BPIFA1: variants seen among roughly 807,000 people sequenced by gnomAD.
BPIFA1 encodes the protein BPI fold-containing family A member 1.
A neutral mutation model predicts 25.1 loss-of-function variants in BPIFA1; 24 were observed. The ratio of observed to expected loss-of-function variants is 0.96; its 90% confidence interval spans 0.69 to 1.35. BPIFA1 has a LOEUF of 1.35. Ranked by LOEUF, BPIFA1 falls within the 40% of genes most tolerant of loss-of-function variation. The pLI, the probability that BPIFA1 is intolerant of heterozygous loss-of-function variation, is 0.00. For missense variants in BPIFA1, 344 were observed against 303.7 expected (o/e 1.13, Z -0.99); for synonymous variants, 139 against 131.8 (o/e 1.05, Z -0.37).
intron 4 of BPIFA1, 26 bp downstream of exon 4, chr20:33,239,936 G>A (rs765297141): frequency 6.3e-7 from 1 of 1,597,614 alleles, no homozygotes; most frequent in African/African-American, 1.3e-5. Flanking sequence ...GAGGGGGTGA[G>A]AGGATGGCTC....
intron 1 of BPIFA1, among the ~76,000 whole-genome samples, chr20:33,236,702 CT>C (rs535274746): frequency 0.011 from 1,694 of 152,222 alleles, 30 homozygotes; most frequent in African/African-American, 0.037. Context: ...TCCAGGGCAG[CT>C]TGAAGGAGAA....
intron 3 of BPIFA1, 99 bp from the exon 4 acceptor site, chr20:33,239,704 G>T (rs1344821539): frequency 6.6e-5 from 79 of 1,195,796 alleles, no homozygotes; most frequent in Non-Finnish European, 8.5e-5. Context: ...TGGGTGGGAA[G>T]CTCTACCTCT....
intron 5 of BPIFA1, among the ~76,000 whole-genome samples, 197 bp downstream of exon 5, chr20:33,240,582 A>G (rs1978917819): frequency 7.6e-6 from 1 of 130,820 alleles, no homozygotes; most frequent in Non-Finnish European, 1.7e-5. Flanking sequence ...ATGGATGGAC[A>G]GATGGTTAGA....
At chr20:33,241,541 C>T in intron 6 of BPIFA1, 72 bp downstream of exon 6, 2 of 1,355,400 alleles carry the variant, frequency 1.5e-6, no homozygotes, top group Admixed American at 1.7e-5. Flanking sequence ...AAGCCCTGAG[C>T]TAAGTGGGTC....
intron 6 of BPIFA1, among the ~76,000 whole-genome samples, chr20:33,241,739 G>C (rs746902075): frequency 1.3e-5 from 2 of 152,146 alleles, no homozygotes; most frequent in Non-Finnish European, 2.9e-5. Flanking sequence ...GAAGTTCCCT[G>C]TCCAGCCTTC....
At chr20:33,242,450 TGTC>T in intron 7 of BPIFA1, 34 bp from the exon 8 acceptor site, 1 of 1,611,796 alleles carries the variant, frequency 6.2e-7, no homozygotes, top group South Asian at 1.1e-5. Context: ...AGATCATAAC[TGTC>T]GTCTGTTTTT....
At chr20:33,242,338 A>G (rs953542951) in intron 7 of BPIFA1, 149 bp from the exon 8 acceptor site, 1 of 1,056,050 alleles carries the variant, frequency 9.5e-7, no homozygotes, top group African/African-American at 1.6e-5. Context: ...TGGTTGGTAG[A>G]AGGAGGCCTG....
intron 1 of BPIFA1, among the ~76,000 whole-genome samples, chr20:33,237,301 G>A (rs1256781088): frequency 6.6e-6 from 1 of 152,186 alleles, no homozygotes; most frequent in Admixed American, 6.5e-5. Flanking sequence ...TGACCTCTGT[G>A]AGCCTTGGTT....
chr20:33,241,429 G>T lies in BPIFA1; in HGVS notation c.626G>T (p.Gly209Val), dbSNP rs780370680. ...PIQGLLDSLTGILNKVLPELV... is the reference protein window; with the variant it reads ...PIQGLLDSLTVILNKVLPELV... ...CAAGGTCTTCTGGACAGCCTCACAGGGATCTTGAATAAAGTCCTGCCTGAG... is the reference window on the plus strand; with the variant it reads ...CAAGGTCTTCTGGACAGCCTCACAGTGATCTTGAATAAAGTCCTGCCTGAG... The change falls in exon 6 of 9, where the codon GGG becomes GTG. Residue 209 changes from glycine (G) to valine (V), a missense_variant. By Grantham distance (109) the Gly-to-Val change is moderately radical. Transcript: ENST00000354297. The T allele has an allele frequency of 1.1e-5, 17 of 1,613,986 alleles. No individual in the cohort carries two copies. In the East Asian group the frequency reaches 3.8e-4, roughly 36 times the overall value.
rs1978758192 is a variant in BPIFA1, at chr20:33,237,890, ATGTGTGCATGTG to A, written c.160+26_160+37del. The A allele has an allele frequency of 1.4e-6, 2 of 1,434,670 alleles. No homozygotes were observed. The highest frequency in any genetic ancestry group is 1.3e-5 in the South Asian group (1 of 74,694). 88.9% of individuals were successfully genotyped at this position (1,434,670 alleles called of 1,614,324 possible). On this transcript the variant is annotated intron_variant, in intron 2 of 8. Transcript: ENST00000354297. ...ACAAATGGTGAGTTTTCAGGGGTGT[ATGTGTGCATGTG>A]TGTGTGTGTGTGTGTGTGTGTGTGT...
At position 33,238,080 on chromosome 20, in the gene BPIFA1, G is replaced by C; in HGVS notation, c.186G>C (p.Gly62=). The part of the protein sequence containing the change: ...TNALSNGLLS[G]GLLGILENLP... ...CCCTCAGCAATGGCCTGCTGTCTGG[G>C]GGCCTGTTGGGCATTCTGGAAAACC... is the stretch of plus-strand genomic sequence containing the variant. The change falls in exon 3 of 9, where the codon GGG becomes GGC. Residue 62 remains glycine, a synonymous_variant. Coordinates refer to ENST00000354297, the MANE Select transcript of BPIFA1 (RefSeq NM_130852.3). The C allele has an allele frequency of 6.2e-7, 1 of 1,613,810 alleles. No individual in the cohort carries two copies. The highest frequency in any genetic ancestry group is 8.5e-7 in the Non-Finnish European group (1 of 1,179,914).
At chr20:33,239,616 G>A (rs561635211) in intron 3 of BPIFA1, among the ~76,000 whole-genome samples, 187 bp from the exon 4 acceptor site, 1 of 152,344 alleles carries the variant, frequency 6.6e-6, no homozygotes, top group African/African-American at 2.4e-5. Context: ...TTCCAGGGCA[G>A]AGGCTGGAAA....
chr20:33,242,011 T>C, intron 6 of BPIFA1, 45 bp from the exon 7 acceptor site: 1 of 1,563,466 alleles, frequency 6.4e-7, no homozygotes, highest in Non-Finnish European at 8.8e-7. Flanking sequence ...ATTCTGCTGC[T>C]CCAGGGTGCC....
At position 33,237,526 on chromosome 20, in the gene BPIFA1, T is replaced by G. The variant is rs540120100; in HGVS notation, c.-15-171T>G. Among the ~76,000 whole-genome samples the G allele has an allele frequency of 4.6e-5, 7 of 152,256 alleles. 1 individual carries two copies. In the South Asian group the frequency reaches 1.5e-3, roughly 32 times the overall value. ...GTGATGAAGATGAAATTGTGTAAAG[T>G]GGTCAGCCTGTTGCCTGGCAAAGAG... On this transcript the variant is annotated intron_variant, in intron 1 of 8. Transcript: ENST00000354297.
chr20:33,237,588 C>T (rs1330894140), intron 1 of BPIFA1, 109 bp from the exon 2 acceptor site: 2 of 859,034 alleles, frequency 2.3e-6, no homozygotes, highest in Admixed American at 3.5e-5. Flanking sequence ...CTAGTGACCC[C>T]CTGGTGTTCT....
chr20:33,242,757 A>G (rs1979044825), intron 8 of BPIFA1, among the ~76,000 whole-genome samples, 196 bp downstream of exon 8: 1 of 152,196 alleles, frequency 6.6e-6, no homozygotes, highest in South Asian at 2.1e-4. Context: ...CAACACAGCT[A>G]CCAAGAGAAA....
intron 2 of BPIFA1, 27 bp downstream of exon 2, chr20:33,237,898 ATGTG>A (rs11468029): frequency 0.022 from 25,947 of 1,177,688 alleles, 193 homozygotes; most frequent in South Asian, 0.026. Flanking sequence ...GTATGTGTGC[ATGTG>A]TGTGTGTGTG....
chr20:33,238,949 A>G (rs1262615568), intron 3 of BPIFA1, among the ~76,000 whole-genome samples: 1 of 152,174 alleles, frequency 6.6e-6, no homozygotes, highest in African/African-American at 2.4e-5. Context: ...TACTTGTTGG[A>G]TGACCTGGGA....
At chr20:33,237,147 C>T (rs191103038) in intron 1 of BPIFA1, among the ~76,000 whole-genome samples, 143 of 152,244 alleles carry the variant, frequency 9.4e-4, no homozygotes, top group Non-Finnish European at 1.6e-4. Flanking sequence ...TTAATTTAAC[C>T]GAGGGTTCAC....
Sources: allele counts gnomAD v4.1 joint callset (sites outside exome capture counted in the v4.1 genomes callset), GRCh38; gene constraint gnomAD v4.1.1; transcripts MANE v1.5; gene names NCBI Gene and HGNC (gene_info 2026-07-23, HGNC 2026-07-21).